The following HTR2C variants were observed in gnomAD, a reference collection of about 807,000 sequenced individuals.
HTR2C encodes the protein 5-hydroxytryptamine receptor 2C, also known as 5-hydroxytryptamine (serotonin) receptor 2C, G protein-coupled.
In HTR2C, 5 loss-of-function variants were observed where a neutral mutation model predicts 21.0. The ratio of observed to expected loss-of-function variants is 0.24; its 90% CI spans 0.12 to 0.50. The LOEUF is 0.50. Ranked by LOEUF, HTR2C falls within the 20% of genes least tolerant of loss-of-function variation. HTR2C has a pLI of 0.98. For missense variants in HTR2C, 271 were observed against 371.2 expected (o/e 0.73, Z 2.22); for synonymous variants, 150 against 145.3 (o/e 1.03, Z -0.23).
intron 5 of HTR2C, among the ~76,000 whole-genome samples, chrX:114,876,758 A>T (rs1275056241): frequency 2.7e-5 from 3 of 110,553 alleles, no homozygotes; most frequent in Non-Finnish European, 5.7e-5. Flanking sequence ...GCATATGTTG[A>T]CCCATCCTTT....
intron 4 of HTR2C, among the ~76,000 whole-genome samples, chrX:114,807,106 CATGT>C (rs1447580732): frequency 8.9e-5 from 2 of 22,461 alleles, no homozygotes; most frequent in Admixed American, 8.7e-4. Context: ...ATATATACAC[CATGT>C]ATATATATAC....
chrX:114,620,889 C>A (rs1255511801), intron 2 of HTR2C, among the ~76,000 whole-genome samples: 1 of 108,503 alleles, frequency 9.2e-6, no homozygotes, highest in Non-Finnish European at 1.9e-5. Context: ...TTTTTTTTTT[C>A]TTTTTTTGGC....
intron 4 of HTR2C, among the ~76,000 whole-genome samples, chrX:114,816,355 G>C (rs1012828892): frequency 1.8e-5 from 2 of 109,279 alleles, no homozygotes; most frequent in Non-Finnish European, 3.8e-5. Flanking sequence ...ATCTCAGTTT[G>C]TTTGTTTGTT....
chrX:114,830,204 C>G (rs183687144), intron 4 of HTR2C, among the ~76,000 whole-genome samples: 28 of 110,850 alleles, frequency 2.5e-4, no homozygotes, highest in Non-Finnish European at 4.3e-4. Flanking sequence ...ATGCTTGCCT[C>G]CTTTTATGCC....
chrX:114,767,930 A>C (rs1602762456), intron 4 of HTR2C, among the ~76,000 whole-genome samples: 1 of 109,760 alleles, frequency 9.1e-6, no homozygotes, highest in East Asian at 2.8e-4. Flanking sequence ...GTTCTGTTGA[A>C]GGGCAACTGG....
At chrX:114,851,425 A>G (rs781913986) in intron 5 of HTR2C, among the ~76,000 whole-genome samples, 1 of 112,246 alleles carries the variant, frequency 8.9e-6, no homozygotes, top group South Asian at 3.7e-4. Flanking sequence ...ATTGTTTCCC[A>G]ATAAACTTTG....
chrX:114,906,489 G>C, intron 5 of HTR2C, 100 bp from the exon 6 acceptor site: 1 of 586,285 alleles, frequency 1.7e-6, no homozygotes, highest in South Asian at 3.3e-5. Flanking sequence ...TATCAGGTCT[G>C]AATTTCCTTC....
chrX:114,701,807 T>C (rs1932517654), intron 2 of HTR2C, among the ~76,000 whole-genome samples: 1 of 111,310 alleles, frequency 9.0e-6, no homozygotes, highest in Non-Finnish European at 1.9e-5. Flanking sequence ...AGTTAAAAAC[T>C]TTGAAAAAAA....
intron 4 of HTR2C, among the ~76,000 whole-genome samples, chrX:114,759,788 CTCTT>C (rs782090091): frequency 1.9e-4 from 21 of 111,412 alleles, no homozygotes; most frequent in African/African-American, 6.5e-4. Flanking sequence ...GGTCTGATCT[CTCTT>C]TCTCACACTT....
intron 2 of HTR2C, chrX:114,630,767 A>T (rs1410346425): frequency 3.0e-6 from 1 of 328,306 alleles, no homozygotes; most frequent in Non-Finnish European, 6.0e-6. Flanking sequence ...TATACAGAGC[A>T]TGGGGCCCCA....
At chrX:114,801,440 A>G (rs986147648) in intron 4 of HTR2C, among the ~76,000 whole-genome samples, 1 of 111,239 alleles carries the variant, frequency 9.0e-6, no homozygotes, top group Non-Finnish European at 1.9e-5. Context: ...TTGGGGATGT[A>G]TCTGCCTGCC....
At chrX:114,872,738 AG>A (rs1330345468) in intron 5 of HTR2C, among the ~76,000 whole-genome samples, 1 of 110,968 alleles carries the variant, frequency 9.0e-6, no homozygotes, top group Non-Finnish European at 1.9e-5. Context: ...GAAATGTTTC[AG>A]GTGCACTTGA....
At chrX:114,805,623 T>TAC (rs1556448562) in intron 4 of HTR2C, among the ~76,000 whole-genome samples, 1 of 4,578 alleles carries the variant, frequency 2.2e-4, no homozygotes, top group African/African-American at 5.0e-4. Context: ...ATCATATATA[T>TAC]ACCATATATA....
chrX:114,879,332 A>G (rs1307123136), intron 5 of HTR2C, among the ~76,000 whole-genome samples: 1 of 110,220 alleles, frequency 9.1e-6, no homozygotes, highest in Non-Finnish European at 1.9e-5. Flanking sequence ...TGTAATATAT[A>G]TTTTAATTTT....
At chrX:114,767,836 C>T (rs1178470282) in intron 4 of HTR2C, among the ~76,000 whole-genome samples, 1 of 109,098 alleles carries the variant, frequency 9.2e-6, no homozygotes, top group African/African-American at 3.3e-5. Context: ...ATTTTGAATT[C>T]CTCATAAACC....
At chrX:114,647,726 G>T (rs1237675451) in intron 2 of HTR2C, among the ~76,000 whole-genome samples, 1 of 112,610 alleles carries the variant, frequency 8.9e-6, no homozygotes, top group Non-Finnish European at 1.9e-5. Flanking sequence ...AGGAAGAAAT[G>T]GTTGGCACTA....
intron 5 of HTR2C, among the ~76,000 whole-genome samples, chrX:114,887,806 T>A (rs1556481973): frequency 9.1e-6 from 1 of 110,239 alleles, no homozygotes; most frequent in African/African-American, 3.3e-5. Flanking sequence ...CAAATCACGA[T>A]GTCAGGAGTT....
intron 2 of HTR2C, among the ~76,000 whole-genome samples, chrX:114,626,388 C>CAAA (rs59357830): frequency 9.7e-4 from 76 of 78,435 alleles, no homozygotes; most frequent in African/African-American, 2.1e-3. Flanking sequence ...GACCCTGTCA[C>CAAA]AAAAAAAAAA....
chrX:114,651,041 G>A (rs1215293007), intron 2 of HTR2C, among the ~76,000 whole-genome samples: 6 of 111,922 alleles, frequency 5.4e-5, no homozygotes, highest in Admixed American at 1.9e-4. Context: ...TATGAACTCC[G>A]TTAGTATTTT....
Sources: allele counts gnomAD v4.1 joint callset (sites outside exome capture counted in the v4.1 genomes callset), GRCh38; gene constraint gnomAD v4.1.1; transcripts MANE v1.5; gene names NCBI Gene and HGNC (gene_info 2026-07-23, HGNC 2026-07-21).